The following MTR variants were observed in gnomAD, a reference collection of about 807,000 sequenced individuals.
MTR encodes the protein 5-methyltetrahydrofolate-homocysteine methyltransferase, also known as methionine synthase.
A neutral mutation model predicts 154.8 loss-of-function variants in MTR; 84 were observed. The observed-to-expected ratio is 0.54, with a 90% CI of 0.45 to 0.65. The LOEUF (loss-of-function observed/expected upper bound fraction) is 0.65. Among genes scored for constraint, MTR ranks in the 30% least tolerant of loss-of-function variants. The pLI, the probability that MTR is intolerant of heterozygous loss-of-function variation, is 0.00. For synonymous variants in MTR, 554 were observed against 553.9 expected (o/e 1.00, Z 0.00); for missense variants, 1,275 against 1,570.2 (o/e 0.81, Z 3.18).
intron 30 of MTR, 96 bp downstream of exon 30, chr1:236,894,653 A>T: frequency 8.3e-7 from 1 of 1,202,094 alleles, no homozygotes; most frequent in Non-Finnish European, 1.2e-6. Context: ...CCTTAGAACC[A>T]GTGTCTTTTT....
intron 23 of MTR, among the ~76,000 whole-genome samples, chr1:236,874,174 T>G (rs1258647033): frequency 6.6e-6 from 1 of 152,198 alleles, no homozygotes; most frequent in Non-Finnish European, 1.5e-5. Context: ...TTGCATCGTT[T>G]CCTAAAACTA....
At chr1:236,811,746 T>C (rs1661316296) in intron 5 of MTR, 13 of 454,560 alleles carry the variant, frequency 2.9e-5, no homozygotes, top group Middle Eastern at 3.2e-4. Context: ...GAAAACTGCA[T>C]CTTTAAGCAA....
intron 4 of MTR, among the ~76,000 whole-genome samples, chr1:236,810,230 G>A (rs1661218710): frequency 6.6e-6 from 1 of 152,128 alleles, no homozygotes; most frequent in Admixed American, 6.5e-5. Flanking sequence ...AGTGGGATCT[G>A]GGGCAGCCCC....
intron 1 of MTR, among the ~76,000 whole-genome samples, chr1:236,803,040 A>T (rs1660780671): frequency 6.6e-6 from 1 of 152,208 alleles, no homozygotes; most frequent in African/African-American, 2.4e-5. Flanking sequence ...AATAGTTTGG[A>T]ATTATTGATG....
At chr1:236,861,070 T>C in intron 19 of MTR, 55 bp from the exon 20 acceptor site, 1 of 1,451,960 alleles carries the variant, frequency 6.9e-7, no homozygotes, top group Non-Finnish European at 9.2e-7. Context: ...GTTTTTTAGG[T>C]GATTTTTTTT....
intron 20 of MTR, 87 bp from the exon 21 acceptor site, chr1:236,862,149 C>A (rs1558319171): frequency 9.3e-7 from 1 of 1,079,220 alleles, no homozygotes; most frequent in Non-Finnish European, 1.4e-6. Context: ...GCATGCATTC[C>A]TAATGTGTGC....
intron 13 of MTR, 142 bp from the exon 14 acceptor site, chr1:236,835,405 A>G: frequency 2.2e-6 from 2 of 913,616 alleles, no homozygotes; most frequent in East Asian, 2.5e-5. Flanking sequence ...TGATGGGTGG[A>G]CAGCAGGCCC....
intron 22 of MTR, among the ~76,000 whole-genome samples, chr1:236,865,638 A>G (rs1160330190): frequency 6.6e-6 from 1 of 152,200 alleles, no homozygotes; most frequent in Non-Finnish European, 1.5e-5. Context: ...GAGAAAATGT[A>G]TTTTTTAAAT....
Position 236,833,402 on chromosome 1 carries a change from A to G in MTR, c.1188+1324A>G, listed in dbSNP as rs546552150. 5.3e-5 allele frequency among the ~76,000 whole-genome samples: 8 copies of G among 152,332 alleles called. No homozygotes were observed. In the East Asian group the frequency reaches 1.5e-3, roughly 29 times the overall value. On this transcript the variant is annotated intron_variant, in intron 13 of 32. Transcript: ENST00000366577. ...GTCACTGTGCTAAGCACTTTATGTC[A>G]TTACTCATTTAATCATCACAGCCTG...
chr1:236,836,003 G>A (rs1372126153), intron 14 of MTR, among the ~76,000 whole-genome samples: 1 of 152,108 alleles, frequency 6.6e-6, no homozygotes, highest in East Asian at 1.9e-4. Flanking sequence ...AAAATCATTG[G>A]CTCTATTTCT....
rs551412374 is a variant in MTR, at chr1:236,828,876, G to A, written c.996-313G>A. 5.3e-5 allele frequency among the ~76,000 whole-genome samples: 8 copies of A among 152,112 alleles called. No individual in the cohort carries two copies. In the South Asian group the frequency reaches 1.7e-3, roughly 32 times the overall value. On this transcript the variant is annotated intron_variant, in intron 11 of 32. Transcript: ENST00000366577. ...ATCTGTGGATGTGGGGAAGATGGAAGGAAGTTTGCTGTTTGTATTTGTGCA... is the reference window on the plus strand; with the variant it reads ...ATCTGTGGATGTGGGGAAGATGGAAAGAAGTTTGCTGTTTGTATTTGTGCA...
chr1:236,897,376 T>C (rs931362655), intron 32 of MTR, among the ~76,000 whole-genome samples, 182 bp from the exon 33 acceptor site: 1 of 150,540 alleles, frequency 6.6e-6, no homozygotes, highest in African/African-American at 2.4e-5. Context: ...GTTTACTACA[T>C]GTTTTTCTGC....
At chr1:236,893,457 A>G (rs928765839) in intron 29 of MTR, among the ~76,000 whole-genome samples, 5 of 152,092 alleles carry the variant, frequency 3.3e-5, no homozygotes, top group Admixed American at 2.0e-4. Context: ...CCACTGTCTG[A>G]CCTTGGGCCA....
Position 236,803,585 on chromosome 1 carries a change from A to G in MTR, c.192A>G (p.Lys64=). The change falls in exon 2 of 33, where the codon AAA becomes AAG. Residue 64 remains lysine (K), a synonymous_variant. Coordinates refer to ENST00000366577, the MANE Select transcript of MTR (RefSeq NM_000254.3). Reference sequence around the variant, plus strand: ...TTAAAGATCATGCCAGGCCGCTGAAAGGCAACAATGACATTTTAAGTATAA... The same window carrying G: ...TTAAAGATCATGCCAGGCCGCTGAAGGGCAACAATGACATTTTAAGTATAA... ...QEFKDHARPL[K]GNNDILSITQ... The G allele has an allele frequency of 6.2e-7, 1 of 1,614,212 alleles. No individual in the cohort carries two copies. The highest frequency in any genetic ancestry group is 8.5e-7 in the Non-Finnish European group (1 of 1,180,024).
chr1:236,843,645 A>G (rs1237229621), intron 15 of MTR, among the ~76,000 whole-genome samples: 1 of 152,246 alleles, frequency 6.6e-6, no homozygotes, highest in African/African-American at 2.4e-5. Context: ...GGTTAGGGCC[A>G]TGGTGAAAGC....
chr1:236,827,981 A>G (rs1662390261), intron 11 of MTR, among the ~76,000 whole-genome samples: 1 of 151,838 alleles, frequency 6.6e-6, no homozygotes, highest in African/African-American at 2.4e-5. Context: ...TAAATAATAT[A>G]TATATATATT....
At chr1:236,862,196 T>C in intron 20 of MTR, 40 bp from the exon 21 acceptor site, 1 of 1,544,290 alleles carries the variant, frequency 6.5e-7, no homozygotes, top group Non-Finnish European at 9.0e-7. Context: ...GTTGTTCCTG[T>C]GGTTTGGGAA....
At chr1:236,802,778 A>T (rs952277694) in intron 1 of MTR, among the ~76,000 whole-genome samples, 8 of 152,076 alleles carry the variant, frequency 5.3e-5, no homozygotes, top group Non-Finnish European at 2.9e-5. Context: ...GTTTTCAGTG[A>T]CTCCAGTCAG....
intron 15 of MTR, among the ~76,000 whole-genome samples, chr1:236,839,672 A>G (rs1398095175): frequency 1.3e-5 from 2 of 152,216 alleles, no homozygotes; most frequent in East Asian, 3.9e-4. Context: ...ATTTAAAACC[A>G]CTAAAAAATC....
Sources: gnomAD v4.1 joint callset for allele counts (sites outside exome capture counted in the v4.1 genomes callset) on GRCh38, gnomAD v4.1.1 for gene constraint, MANE v1.5 for transcripts, NCBI Gene and HGNC (gene_info 2026-07-23, HGNC 2026-07-21) for gene names.